DOK6: variants seen among roughly 807,000 people sequenced by gnomAD.
DOK6 encodes the protein downstream of tyrosine kinase 6.
In DOK6, 22 loss-of-function variants were observed where a neutral mutation model predicts 44.0. The ratio of observed to expected loss-of-function variants is 0.50; its 90% CI spans 0.36 to 0.71. The LOEUF is 0.71. DOK6 is among the 30% of genes least tolerant of loss of function. The pLI is 0.00. For synonymous variants in DOK6, 166 were observed against 145.5 expected, an observed-to-expected ratio of 1.14 and a Z score of -1.01; for missense variants, 340 against 416.4, an observed-to-expected ratio of 0.82 and a Z score of 1.60.
chr18:69,826,164 T>G (rs948460711), intron 7 of DOK6, among the ~76,000 whole-genome samples: 1 of 152,214 alleles, frequency 6.6e-6, no homozygotes, highest in Non-Finnish European at 1.5e-5. Context: ...ACACTGCTAG[T>G]GCTCACTAAG....
At chr18:69,476,356 G>A (rs558429601) in intron 1 of DOK6, among the ~76,000 whole-genome samples, 48 of 152,172 alleles carry the variant, frequency 3.2e-4, no homozygotes, top group African/African-American at 9.9e-4. Flanking sequence ...GTATTCCTAC[G>A]CTCTTTGTCT....
chr18:69,641,610 A>G (rs779527621), intron 3 of DOK6, among the ~76,000 whole-genome samples: 11 of 152,208 alleles, frequency 7.2e-5, no homozygotes, highest in Non-Finnish European at 1.6e-4. Flanking sequence ...TATTTGACTT[A>G]TAAGCTAGAT....
chr18:69,518,730 A>C (rs903170606), intron 1 of DOK6, among the ~76,000 whole-genome samples: 1 of 152,168 alleles, frequency 6.6e-6, no homozygotes, highest in Non-Finnish European at 1.5e-5. Context: ...ATCTTTAAAA[A>C]CATTTCTAAA....
Position 69,701,293 on chromosome 18 carries a change from T to G in DOK6, c.599+2700T>G, listed in dbSNP as rs371396841. Among the ~76,000 whole-genome samples, 15 of 152,346 alleles carry G rather than the reference T, an allele frequency of 9.8e-5. No homozygotes were observed. In the East Asian group the frequency reaches 2.5e-3, roughly 25 times the overall value. ...AGCGCAGCATGGCGCCCAGGAGATGTATTCATAGTCTCACATCAGCTCGGA... is the reference window on the plus strand; with the variant it reads ...AGCGCAGCATGGCGCCCAGGAGATGGATTCATAGTCTCACATCAGCTCGGA... On this transcript the variant is annotated intron_variant, in intron 5 of 7. Coordinates refer to ENST00000382713, the MANE Select transcript of DOK6 (RefSeq NM_152721.6).
chr18:69,406,940 G>T (rs776662369), intron 1 of DOK6, among the ~76,000 whole-genome samples: 1 of 152,258 alleles, frequency 6.6e-6, no homozygotes, highest in East Asian at 1.9e-4. Flanking sequence ...AATTAGCGGG[G>T]TGCAGAGGCC....
At chr18:69,838,705 G>T (rs1982120099) in intron 7 of DOK6, among the ~76,000 whole-genome samples, 1 of 151,860 alleles carries the variant, frequency 6.6e-6, no homozygotes, top group Admixed American at 6.6e-5. Context: ...TATATACCTG[G>T]TGTTCTAGCT....
At chr18:69,575,482 T>C (rs531469196) in intron 2 of DOK6, among the ~76,000 whole-genome samples, 34 of 152,042 alleles carry the variant, frequency 2.2e-4, no homozygotes, top group Non-Finnish European at 1.8e-4. Context: ...CTAGATGACA[T>C]GGAGTTTGGT....
chr18:69,750,498 G>A (rs1979140753), intron 6 of DOK6, among the ~76,000 whole-genome samples: 1 of 152,158 alleles, frequency 6.6e-6, no homozygotes, highest in Admixed American at 6.5e-5. Flanking sequence ...CTATTCATTA[G>A]GGAAATGCAA....
chr18:69,557,764 T>A (rs572971556), intron 1 of DOK6, among the ~76,000 whole-genome samples: 1 of 152,214 alleles, frequency 6.6e-6, no homozygotes, highest in East Asian at 1.9e-4. Flanking sequence ...TCCCCCAGGA[T>A]AAAGTGGTAC....
intron 4 of DOK6, among the ~76,000 whole-genome samples, chr18:69,692,180 C>A (rs867625304): frequency 6.6e-6 from 1 of 152,300 alleles, no homozygotes. Flanking sequence ...CATTGCTGGA[C>A]TCTCAGTAAT....
chr18:69,557,435 A>G (rs1315738409), intron 1 of DOK6, among the ~76,000 whole-genome samples: 1 of 152,202 alleles, frequency 6.6e-6, no homozygotes, highest in African/African-American at 2.4e-5. Flanking sequence ...AGTGAGTCTT[A>G]AATGGAAACA....
At position 69,835,774 on chromosome 18, in the gene DOK6, T is replaced by C. The variant is rs2145136275; in HGVS notation, c.857-5470T>C. Among the ~76,000 whole-genome samples, 3 of 152,358 alleles carry C rather than the reference T, an allele frequency of 2.0e-5. No individual in the cohort carries two copies. The South Asian group carries it at 6.2e-4, about 32-fold the overall frequency. ...TGTTATTTATTTATCACATTGTTTG[T>C]TGTTTTCTTTGTTATTTATAGGGAC... On this transcript the variant is annotated intron_variant, in intron 7 of 7. Transcript: ENST00000382713.
rs151169506 is a variant in DOK6 at position 69,457,679 on chromosome 18, A to G, written c.66+56369A>G. 1.7e-3 allele frequency among the ~76,000 whole-genome samples: 263 copies of G among 152,248 alleles called. 2 individuals are homozygous for G. The highest frequency in any genetic ancestry group is 5.8e-3 in the African/African-American group (243 of 41,546). On this transcript the variant is annotated intron_variant, in intron 1 of 7. Transcript: ENST00000382713. The stretch of plus-strand genomic sequence containing the variant: ...TATTTCTAATTCTGTGAGGAATGTC[A>G]TTGGTAGTTTGATAGGAATAGCATT...
chr18:69,496,380 C>T (rs1291390799), intron 1 of DOK6, among the ~76,000 whole-genome samples: 1 of 152,254 alleles, frequency 6.6e-6, no homozygotes, highest in East Asian at 1.9e-4. Context: ...CCCACTTGTC[C>T]CGGCTACCAC....
chr18:69,652,605 T>A (rs1985257847), intron 3 of DOK6, among the ~76,000 whole-genome samples: 1 of 152,200 alleles, frequency 6.6e-6, no homozygotes, highest in African/African-American at 2.4e-5. Context: ...GCTTTTAAGC[T>A]GATTTTGTGG....
At chr18:69,808,133 C>A (rs1224427165) in intron 7 of DOK6, among the ~76,000 whole-genome samples, 1 of 151,670 alleles carries the variant, frequency 6.6e-6, no homozygotes, top group Non-Finnish European at 1.5e-5. Context: ...AAATTAATAA[C>A]AAGAGGAATT....
intron 2 of DOK6, among the ~76,000 whole-genome samples, chr18:69,567,243 T>C (rs1983005451): frequency 6.6e-6 from 1 of 152,174 alleles, no homozygotes; most frequent in Admixed American, 6.5e-5. Flanking sequence ...AGAAAGATGG[T>C]CCTCTAGTCT....
intron 1 of DOK6, among the ~76,000 whole-genome samples, chr18:69,418,069 C>T (rs1277050427): frequency 1.3e-5 from 2 of 152,064 alleles, no homozygotes; most frequent in African/African-American, 2.4e-5. Flanking sequence ...TGATGTGATC[C>T]CATTTGCCCA....
intron 7 of DOK6, among the ~76,000 whole-genome samples, chr18:69,772,974 G>A (rs1167032860): frequency 6.6e-6 from 1 of 151,838 alleles, no homozygotes; most frequent in East Asian, 1.9e-4. Flanking sequence ...AATACATAAG[G>A]AACTCCTACA....
Sources: allele counts gnomAD v4.1 joint callset (sites outside exome capture counted in the v4.1 genomes callset), GRCh38; gene constraint gnomAD v4.1.1; transcripts MANE v1.5; gene names NCBI Gene and HGNC (gene_info 2026-07-23, HGNC 2026-07-21).